Variants in PSPH observed in about 807,000 individuals in gnomAD.
PSPH encodes the protein L-3-phosphoserine phosphatase.
In PSPH, 16 loss-of-function variants were observed where a neutral mutation model predicts 23.4. That is an observed-to-expected ratio of 0.68 (90% CI 0.46 to 1.04). The LOEUF (loss-of-function observed/expected upper bound fraction) is 1.04, where lower values mean the gene tolerates loss of function less well. Ranked by LOEUF, PSPH falls within the 50% of genes least tolerant of loss-of-function variation. PSPH has a pLI of 0.00. For missense variants in PSPH, 223 were observed against 273.7 expected (o/e 0.81, Z 1.31); for synonymous variants, 68 against 99.7 (o/e 0.68, Z 1.89).
At chr7:56,033,515 T>A (rs1395271619) in intron 2 of PSPH, 12 of 148,338 alleles carry the variant, frequency 8.1e-5, no homozygotes, top group African/African-American at 2.7e-4. Context: ...AAAAAATAAA[T>A]AAAAATAAAA....
chr7:56,031,215 C>T (rs1315148046), intron 3 of PSPH, among the ~76,000 whole-genome samples: 2 of 133,212 alleles, frequency 1.5e-5, no homozygotes, highest in African/African-American at 5.5e-5. Context: ...GAGACTCCGT[C>T]TCAAAAAAAA....
chr7:56,034,718 G>A (rs1189389619), intron 1 of PSPH, among the ~76,000 whole-genome samples: 1 of 151,934 alleles, frequency 6.6e-6, no homozygotes, highest in African/African-American at 2.4e-5. Context: ...GGGTTTCACC[G>A]TGTTAGCCAG....
intron 1 of PSPH, among the ~76,000 whole-genome samples, chr7:56,036,984 G>T (rs1185000108): frequency 6.6e-6 from 1 of 152,072 alleles, no homozygotes; most frequent in Non-Finnish European, 1.5e-5. Context: ...GACCAGCCTG[G>T]CCAACATGGC....
At chr7:56,047,354 A>G (rs886968472) in intron 1 of PSPH, among the ~76,000 whole-genome samples, 1 of 151,588 alleles carries the variant, frequency 6.6e-6, no homozygotes, top group Non-Finnish European at 1.5e-5. Flanking sequence ...GAGCTACTGC[A>G]CTCCAGCCTG....
chr7:56,022,147 G>A (rs968627124), intron 3 of PSPH, among the ~76,000 whole-genome samples: 16 of 152,118 alleles, frequency 1.1e-4, no homozygotes, highest in Middle Eastern at 3.4e-3. Flanking sequence ...GGGCAACATA[G>A]AGAGACCAAG....
chr7:56,028,647 C>T (rs1377923087), intron 3 of PSPH, among the ~76,000 whole-genome samples: 3 of 152,016 alleles, frequency 2.0e-5, no homozygotes, highest in African/African-American at 7.2e-5. Flanking sequence ...GCCCATGAAA[C>T]GGTCAGGCCA....
intron 7 of PSPH, among the ~76,000 whole-genome samples, chr7:56,012,142 CA>C (rs1414939200): frequency 6.6e-6 from 1 of 151,840 alleles, no homozygotes; most frequent in Non-Finnish European, 1.5e-5. Context: ...CGTCAGCTTC[CA>C]AAGTGCTGGG....
intron 1 of PSPH, chr7:56,043,358 C>G: frequency 6.6e-6 from 1 of 151,668 alleles, no homozygotes; most frequent in African/African-American, 2.4e-5. Context: ...AACATTAGAA[C>G]AAATAAGTAT....
intron 1 of PSPH, among the ~76,000 whole-genome samples, chr7:56,040,660 G>A (rs1253680731): frequency 6.6e-6 from 1 of 151,966 alleles, no homozygotes; most frequent in Admixed American, 6.6e-5. Flanking sequence ...GAGATATGGT[G>A]GTGAGGGGGG....
chr7:56,028,678 T>C (rs978937965), intron 3 of PSPH, among the ~76,000 whole-genome samples: 5 of 152,052 alleles, frequency 3.3e-5, no homozygotes, highest in Non-Finnish European at 5.9e-5. Flanking sequence ...CCTTCACCCA[T>C]TGGGTTACAA....
chr7:56,028,135 T>C, intron 3 of PSPH, among the ~76,000 whole-genome samples: 1 of 151,842 alleles, frequency 6.6e-6, no homozygotes, highest in Non-Finnish European at 1.5e-5. Flanking sequence ...GATTTACACA[T>C]CCCCAGCTGA....
intron 3 of PSPH, among the ~76,000 whole-genome samples, chr7:56,029,070 C>A (rs1366093667): frequency 6.6e-6 from 1 of 152,104 alleles, no homozygotes; most frequent in Non-Finnish European, 1.5e-5. Flanking sequence ...CTGCCTCGGC[C>A]TCCCAAAGTG....
intron 7 of PSPH, among the ~76,000 whole-genome samples, chr7:56,013,154 TATACACAC>T (rs1788155748): frequency 1.4e-5 from 1 of 72,342 alleles, no homozygotes; most frequent in Non-Finnish European, 3.0e-5. Context: ...TGTGTATGTG[TATACACAC>T]ACACACACAC....
At chr7:56,041,213 T>C (rs1478792410) in intron 1 of PSPH, among the ~76,000 whole-genome samples, 1 of 141,640 alleles carries the variant, frequency 7.1e-6, no homozygotes, top group African/African-American at 2.5e-5. Flanking sequence ...CTCTCTCTTT[T>C]TTTTTTTTTT....
At chr7:56,034,853 G>A (rs190369676) in intron 1 of PSPH, among the ~76,000 whole-genome samples, 1 of 151,944 alleles carries the variant, frequency 6.6e-6, no homozygotes, top group African/African-American at 2.4e-5. Context: ...GCAACCATGA[G>A]TAACAAAATG....
rs540789131 is a variant in PSPH at position 56,024,944 on chromosome 7, T to G, written c.-19-3713A>C. ...TCAGCCTCCCAAGTAGCTAGGATTA[T>G]AGGTGCATGCCACCACGCCCAGCTA... On this transcript the variant is annotated intron_variant, in intron 3 of 7. Coordinates refer to ENST00000275605, the MANE Select transcript of PSPH (RefSeq NM_004577.4). 2.6e-5 allele frequency among the ~76,000 whole-genome samples: 4 copies of G among 151,104 alleles called. No individual in the cohort carries two copies. The East Asian group carries it at 8.0e-4, about 30-fold the overall frequency.
intron 1 of PSPH, among the ~76,000 whole-genome samples, chr7:56,046,805 A>C (rs1562835034): frequency 6.6e-6 from 1 of 151,690 alleles, no homozygotes; most frequent in Non-Finnish European, 1.5e-5. Flanking sequence ...CCTCAAAAAA[A>C]AAAAAAAAAA....
At chr7:56,015,923 T>C (rs188973193) in intron 6 of PSPH, among the ~76,000 whole-genome samples, 87 of 152,062 alleles carry the variant, frequency 5.7e-4, no homozygotes, top group African/African-American at 2.0e-3. Flanking sequence ...CCTCCCAAAG[T>C]TCTGGGATTA....
intron 5 of PSPH, among the ~76,000 whole-genome samples, chr7:56,019,138 G>A (rs1204341727): frequency 6.6e-6 from 1 of 151,986 alleles, no homozygotes; most frequent in Non-Finnish European, 1.5e-5. Context: ...ATGAGACGCT[G>A]ACTCTAAAAA....
Sources: gnomAD v4.1 joint callset for allele counts (sites outside exome capture counted in the v4.1 genomes callset) on GRCh38, gnomAD v4.1.1 for gene constraint, MANE v1.5 for transcripts, NCBI Gene and HGNC (gene_info 2026-07-23, HGNC 2026-07-21) for gene names.